The following RHOBTB2 variants were observed in gnomAD, a reference collection of about 807,000 sequenced individuals.
The protein encoded by RHOBTB2 is rho-related BTB domain-containing protein 2.
A neutral mutation model predicts 66.5 loss-of-function variants in RHOBTB2; 39 were observed. The ratio of observed to expected loss-of-function variants is 0.59; its 90% CI spans 0.45 to 0.77. RHOBTB2 has a LOEUF of 0.77. Ranked by LOEUF, RHOBTB2 falls within the 30% of genes least tolerant of loss-of-function variation. RHOBTB2 has a pLI of 0.00. For missense variants in RHOBTB2, 755 were observed against 999.1 expected, an observed-to-expected ratio of 0.76 and a Z score of 3.29; for synonymous variants, 390 against 395.0, an observed-to-expected ratio of 0.99 and a Z score of 0.15.
Position 23,007,223 on chromosome 8 carries a change from CCACCACCAT to C in RHOBTB2, c.987_995del (p.His332_His334del), listed in dbSNP as rs758884291. The C allele has an allele frequency of 9.9e-6, 16 of 1,608,686 alleles. No homozygotes were observed. The highest frequency in any genetic ancestry group is 1.3e-5 in the African/African-American group (1 of 74,892). On this transcript the variant is annotated inframe_deletion, in exon 5 of 10. Coordinates refer to ENST00000251822, the MANE Select transcript of RHOBTB2 (RefSeq NM_015178.3). ...ACCACCAGGGCCACTCTGATCAACA[CCACCACCAT>C]CACCACCACCACCATGGGCGAGACT...
At chr8:22,986,391 T>A (rs1052346726), upstream of RHOBTB2, among the ~76,000 whole-genome samples, 1 of 150,152 alleles carries the variant, frequency 6.7e-6, no homozygotes, top group Non-Finnish European at 1.5e-5. Flanking sequence ...CTCAGCCTCC[T>A]GGATAACTGG....
At chr8:22,977,349 G>A in the RHOBTB2 span, among the ~76,000 whole-genome samples, 1 of 152,056 alleles carries the variant, frequency 6.6e-6, no homozygotes, top group Admixed American at 6.6e-5. Context: ...GGAGGGTAAG[G>A]CAGGTGGATT....
At chr8:23,015,542 G>A in intron 8 of RHOBTB2, 96 bp from the exon 9 acceptor site, 2 of 817,750 alleles carry the variant, frequency 2.4e-6, no homozygotes, top group Non-Finnish European at 4.0e-6. Context: ...TGCGTGCCCT[G>A]CACCAGAGCT....
intron 1 of RHOBTB2, among the ~76,000 whole-genome samples, chr8:23,002,454 G>T (rs1810810742): frequency 6.6e-6 from 1 of 152,230 alleles, no homozygotes; most frequent in East Asian, 1.9e-4. Flanking sequence ...CACTTTGGGA[G>T]GCCAAGGCGG....
the RHOBTB2 span, among the ~76,000 whole-genome samples, chr8:22,964,141 G>C: frequency 6.6e-6 from 1 of 151,834 alleles, no homozygotes; most frequent in Non-Finnish European, 1.5e-5. Flanking sequence ...TTTACCATCA[G>C]ATCTCATGAG....
intron 6 of RHOBTB2, among the ~76,000 whole-genome samples, chr8:23,009,070 C>T (rs1367500004): frequency 6.6e-6 from 1 of 151,650 alleles, no homozygotes; most frequent in Non-Finnish European, 1.5e-5. Context: ...ACCTGTAATC[C>T]CAGCACTTTG....
At chr8:22,973,341 C>G in the RHOBTB2 span, among the ~76,000 whole-genome samples, 1 of 152,114 alleles carries the variant, frequency 6.6e-6, no homozygotes, top group African/African-American at 2.4e-5. Context: ...CAATCCTCCC[C>G]TCTCGGCCTC....
Position 23,004,706 on chromosome 8 carries a change from C to G in RHOBTB2, c.192+80C>G. On this transcript the variant is annotated intron_variant, in intron 2 of 9. Coordinates refer to ENST00000251822, the MANE Select transcript of RHOBTB2 (RefSeq NM_015178.3). The surrounding 1 kb of genome is among the most constrained non-coding windows in gnomAD (Gnocchi z 6.4). ...GGCTTCCTGAGGCATAGCTTGGTGTCTCCAGAGCTCACGGGAGCCCTCTAG... is the reference window on the plus strand; with the variant it reads ...GGCTTCCTGAGGCATAGCTTGGTGTGTCCAGAGCTCACGGGAGCCCTCTAG... 1 of 1,370,564 alleles carries G rather than the reference C, an allele frequency of 7.3e-7. No homozygotes were observed. The allele number at this position is 1,370,564 out of a possible 1,614,324, so 84.9% of individuals were successfully genotyped here. A position where few individuals can be genotyped will look rare whatever the true frequency, so the allele number is the denominator to read the frequency against.
chr8:23,017,298 C>A lies in RHOBTB2; in HGVS notation c.2013C>A (p.Tyr671Ter). Residue 671 changes from tyrosine (Y) to a stop codon, truncating the protein, a stop_gained, in exon 10 of 10, where the codon TAC (tyrosine) becomes TAA (stop). Transcript: ENST00000251822. LOFTEE classifies it high-confidence loss of function. This position sits in a 1 kb window ranked among gnomAD's most constrained non-coding sequence, Gnocchi z 5.3. ...FEKHRWPPVW[Y>*]LKEEDHYQRA... ...AGCATCGGTGGCCACCTGTGTGGTA[C>A]CTGAAGGAGGAAGATCATTACCAGC... 6.2e-7 allele frequency: 1 copy of A among 1,614,118 alleles called. No homozygotes were observed. Among genetic ancestry groups the A allele is most frequent in the African/African-American group, 1.3e-5 (1 of 75,018 alleles).
Position 23,017,144 on chromosome 8 carries a change from C to T in RHOBTB2, c.1967-108C>T. 7.1e-7 allele frequency: 1 copy of T among 1,418,220 alleles called. No homozygotes were observed. The highest frequency in any genetic ancestry group is 9.8e-7 in the Non-Finnish European group (1 of 1,024,584). 87.9% of individuals were successfully genotyped at this position (1,418,220 alleles called of 1,614,324 possible). A position where few individuals can be genotyped will look rare whatever the true frequency, so the allele number is the denominator to read the frequency against. ...GTGGGTCATGGGGATGTGCTGGGGG[C>T]TGGGCTGGAGGCCTGCTGCAGGCCT... On this transcript the variant is annotated intron_variant, in intron 9 of 9. Transcript: ENST00000251822. This position sits in a 1 kb window ranked among gnomAD's most constrained non-coding sequence, Gnocchi z 5.3.
intron 1 of RHOBTB2, among the ~76,000 whole-genome samples, chr8:23,003,669 C>T (rs1366253432): frequency 6.6e-6 from 1 of 152,222 alleles, no homozygotes; most frequent in Non-Finnish European, 1.5e-5. Context: ...GTTCCCCTCA[C>T]CCGCATCTGA....
the RHOBTB2 span, among the ~76,000 whole-genome samples, chr8:22,975,126 C>T: frequency 6.6e-6 from 1 of 152,126 alleles, no homozygotes; most frequent in Non-Finnish European, 1.5e-5. Context: ...CATCTCCAAA[C>T]AGTTGTCCCC....
chr8:22,959,469 G>A, the RHOBTB2 span, among the ~76,000 whole-genome samples: 1 of 151,978 alleles, frequency 6.6e-6, no homozygotes, highest in East Asian at 1.9e-4. Flanking sequence ...GGTCAGGCTG[G>A]TCTCCAACTC....
At chr8:23,002,512 C>G (rs992858913) in intron 1 of RHOBTB2, among the ~76,000 whole-genome samples, 2 of 151,962 alleles carry the variant, frequency 1.3e-5, no homozygotes, top group African/African-American at 4.8e-5. Flanking sequence ...ACCAACATGG[C>G]GAAACCCCGT....
Position 23,007,315 on chromosome 8 carries a change from C to G in RHOBTB2, c.1070C>G (p.Ser357Cys). The change falls in exon 5 of 10, where the codon TCC (serine) becomes TGC (cysteine). Residue 357 changes from serine (S) to cysteine (C), a missense_variant. By Grantham distance (112) the Ser-to-Cys change is moderately radical. Around this residue, in one of 7 missense-constraint regions of RHOBTB2, gnomAD observed 247 missense variants for 238.9 expected, o/e 1.03. Transcript: ENST00000251822. ...VCESVDEAGG[S>C]GPAGLRASTS... is the part of the protein sequence containing the mutation. ...GAGAGCGTGGATGAGGCTGGGGGCT[C>G]CGGTCCTGCTGGCCTCCGTGCTTCC... 1 of 1,613,784 alleles carries G rather than the reference C, an allele frequency of 6.2e-7. No individual in the cohort carries two copies. The highest frequency in any genetic ancestry group is 8.5e-7 in the Non-Finnish European group (1 of 1,179,932).
the RHOBTB2 span, among the ~76,000 whole-genome samples, chr8:22,969,096 T>C: frequency 7.2e-5 from 11 of 152,274 alleles, no homozygotes; most frequent in East Asian, 1.9e-3. Flanking sequence ...TCCACATGGC[T>C]GGGGAGGCCT....
At chr8:22,955,564 C>CTTT in the RHOBTB2 span, among the ~76,000 whole-genome samples, 100 of 103,940 alleles carry the variant, frequency 9.6e-4, no homozygotes, top group African/African-American at 2.0e-3. Flanking sequence ...TTCAATAAAT[C>CTTT]TTTTTTTTTT....
In RHOBTB2 at chr8:22,999,897, G is replaced by C. The variant is rs894082899; in HGVS notation, c.-219G>C. The C allele has an allele frequency of 2.0e-6, 2 of 985,120 alleles. No individual in the cohort carries two copies. Among genetic ancestry groups the C allele is most frequent in the African/African-American group, 3.5e-5 (2 of 57,208 alleles). The allele number at this position is 985,120 out of a possible 1,614,324, so 61.0% of individuals were successfully genotyped here. A position where few individuals can be genotyped will look rare whatever the true frequency, so the allele number is the denominator to read the frequency against. ...CAGTGCAGCGCGCGCGTCCGCTCCT[G>C]GGCCCACGTCCGGCCTGGGCTGCCC... On this transcript the variant is annotated 5_prime_UTR_variant, in exon 1 of 10. Coordinates refer to ENST00000251822, the MANE Select transcript of RHOBTB2 (RefSeq NM_015178.3).
the RHOBTB2 span, among the ~76,000 whole-genome samples, chr8:22,958,830 G>A: frequency 1.6e-5 from 2 of 123,794 alleles, no homozygotes; most frequent in Non-Finnish European, 3.5e-5. Flanking sequence ...AAAAAAAGAG[G>A]TTGAACATCT....
Sources: allele counts gnomAD v4.1 joint callset (sites outside exome capture counted in the v4.1 genomes callset), GRCh38; gene constraint gnomAD v4.1.1; regional missense constraint gnomAD v4.1.1; non-coding constraint Gnocchi (gnomAD v3.1); transcripts MANE v1.5; gene names NCBI Gene and HGNC (gene_info 2026-07-23, HGNC 2026-07-21).